SCN2A: variants seen among roughly 807,000 people sequenced by gnomAD.
SCN2A encodes the protein sodium voltage-gated channel alpha subunit 2.
Under a neutral mutation model 188.7 loss-of-function variants are expected in SCN2A, and 20 were observed. That is an observed-to-expected ratio of 0.11 (90% confidence interval 0.07 to 0.15). The LOEUF is 0.15. SCN2A is among the 10% of genes least tolerant of loss of function. The pLI, the probability that SCN2A is intolerant of heterozygous loss-of-function variation, is 1.00. For synonymous variants in SCN2A, 804 were observed against 833.1 expected (o/e 0.97, Z 0.60); for missense variants, 1,278 against 2,445.0 (o/e 0.52, Z 10.07).
At chr2:165,309,516 C>G in intron 6 of SCN2A, 73 bp downstream of exon 6, 2 of 1,565,926 alleles carry the variant, frequency 1.3e-6, no homozygotes, top group Non-Finnish European at 1.8e-6. Flanking sequence ...TGTGCAGAAG[C>G]CTTGTTGCTA....
At chr2:165,275,418 T>A (rs925757291) in intron 1 of SCN2A, among the ~76,000 whole-genome samples, 1 of 152,182 alleles carries the variant, frequency 6.6e-6, no homozygotes, top group Non-Finnish European at 1.5e-5. Flanking sequence ...CATGTCAGAA[T>A]CTATATTTGC....
In SCN2A at chr2:165,312,098, G is replaced by A. The variant is rs749778303; in HGVS notation, c.1034+10G>A. ...ACAGCTCAGATGCAGGGTAAGTGAT[G>A]CTTCCTACTGAGTTTCAGTCCACAC... On this transcript the variant is annotated intron_variant, in intron 8 of 26. Coordinates refer to ENST00000375437, the MANE Select transcript of SCN2A (RefSeq NM_001040142.2). The A allele has an allele frequency of 1.9e-6, 3 of 1,608,192 alleles. No individual in the cohort carries two copies. The highest frequency in any genetic ancestry group is 2.2e-5 in the East Asian group (1 of 44,798).
intron 17 of SCN2A, among the ~76,000 whole-genome samples, chr2:165,356,347 T>G (rs911462659): frequency 2.6e-5 from 4 of 152,214 alleles, no homozygotes; most frequent in African/African-American, 9.6e-5. Flanking sequence ...TCTTAAAATC[T>G]TATTAACAAA....
intron 1 of SCN2A, among the ~76,000 whole-genome samples, chr2:165,257,882 A>C (rs1255051456): frequency 2.0e-5 from 3 of 152,074 alleles, no homozygotes; most frequent in Admixed American, 6.5e-5. Context: ...AGTGATGTTG[A>C]GTTTTTTCTT....
rs980684679 is a variant in SCN2A, at chr2:165,367,517, C to G, written c.3675+146C>G. ...TGACGTGTTTAGCACATATGAGAGGCTTAGTAAATAGCAATTTTTGTCACT... is the reference window on the plus strand; with the variant it reads ...TGACGTGTTTAGCACATATGAGAGGGTTAGTAAATAGCAATTTTTGTCACT... On this transcript the variant is annotated intron_variant, in intron 19 of 26. Transcript: ENST00000375437. 4 of 964,328 alleles carry G rather than the reference C, an allele frequency of 4.1e-6. No homozygotes were observed. In the African/African-American group the frequency reaches 6.5e-5, roughly 16 times the overall value. The allele number at this position is 964,328 out of a possible 1,614,324, so 59.7% of individuals were successfully genotyped here. A position where few individuals can be genotyped will look rare whatever the true frequency, so the allele number is the denominator to read the frequency against.
At chr2:165,337,032 T>C (rs1699038998) in intron 14 of SCN2A, among the ~76,000 whole-genome samples, 1 of 151,784 alleles carries the variant, frequency 6.6e-6, no homozygotes, top group Non-Finnish European at 1.5e-5. Context: ...AAAAGGACTT[T>C]GGAGGCACTA....
chr2:165,291,954 G>A lies in SCN2A; in HGVS notation c.-51-3819G>A, dbSNP rs146068693. Among the ~76,000 whole-genome samples, 6 of 152,098 alleles carry A rather than the reference G, an allele frequency of 3.9e-5. No individual in the cohort carries two copies. In the East Asian group the frequency reaches 9.8e-4, roughly 25 times the overall value. On this transcript the variant is annotated intron_variant, in intron 1 of 26. Coordinates refer to ENST00000375437, the MANE Select transcript of SCN2A (RefSeq NM_001040142.2). ...GTCAGTGAGATGCAATGAGTTTTTC[G>A]GAGTCTTTCTTCCCACTGAATTGAG...
chr2:165,325,624 A>C lies in SCN2A; in HGVS notation c.2017-1228A>C, dbSNP rs149469547. On this transcript the variant is annotated intron_variant, in intron 12 of 26. Coordinates refer to ENST00000375437, the MANE Select transcript of SCN2A (RefSeq NM_001040142.2). ...GAAGGGACTAGATGATCTTCATGTG[A>C]CTATTTTTTTTTTCCTTAAAACTTT... is the stretch of plus-strand genomic sequence containing the variant. 6.5e-4 allele frequency among the ~76,000 whole-genome samples: 99 copies of C among 152,156 alleles called. 2 individuals are homozygous for C. In the East Asian group the frequency reaches 0.014, roughly 22 times the overall value.
At chr2:165,280,411 CT>C (rs1191135717) in intron 1 of SCN2A, among the ~76,000 whole-genome samples, 1 of 152,108 alleles carries the variant, frequency 6.6e-6, no homozygotes, top group Non-Finnish European at 1.5e-5. Flanking sequence ...ACCTTAGTCC[CT>C]TTTATTGTTA....
At chr2:165,306,516 GTGTGT>G (rs1559350282) in intron 3 of SCN2A, among the ~76,000 whole-genome samples, 8 of 33,452 alleles carry the variant, frequency 2.4e-4, no homozygotes, top group African/African-American at 7.1e-4. Context: ...GTGTGTGTGT[GTGTGT>G]GTGTGTGTGT....
At chr2:165,327,360 G>C (rs1698412809) in intron 13 of SCN2A, 1 of 202,790 alleles carries the variant, frequency 4.9e-6, no homozygotes, top group African/African-American at 2.4e-5. Context: ...AAAATCCTAT[G>C]ACTTAACCAG....
chr2:165,366,850 TCAGAATTCAAATATG>T (rs1196394115), intron 18 of SCN2A, among the ~76,000 whole-genome samples: 2 of 152,098 alleles, frequency 1.3e-5, no homozygotes, highest in African/African-American at 4.8e-5. Flanking sequence ...AGTGAACTAA[TCAGAATTCAAATATG>T]TAAAGTGTCC....
At chr2:165,336,692 A>G (rs1043499222) in intron 14 of SCN2A, among the ~76,000 whole-genome samples, 3 of 152,152 alleles carry the variant, frequency 2.0e-5, no homozygotes, top group Non-Finnish European at 2.9e-5. Context: ...TGAATATATT[A>G]CAAGCCACTG....
chr2:165,384,437 A>G (rs1356297300), intron 25 of SCN2A, among the ~76,000 whole-genome samples: 1 of 152,160 alleles, frequency 6.6e-6, no homozygotes, highest in Non-Finnish European at 1.5e-5. Flanking sequence ...AAATGGGAGA[A>G]CAGAACACAG....
chr2:165,253,321 CTT>C (rs1361497722), intron 1 of SCN2A, among the ~76,000 whole-genome samples: 2 of 152,056 alleles, frequency 1.3e-5, no homozygotes, highest in Admixed American at 1.3e-4. Flanking sequence ...CATGCATAGA[CTT>C]TGACAGTTCT....
At chr2:165,382,848 TA>T (rs1323301469) in intron 25 of SCN2A, among the ~76,000 whole-genome samples, 1 of 152,020 alleles carries the variant, frequency 6.6e-6, no homozygotes, top group Non-Finnish European at 1.5e-5. Context: ...TTTTGAAAAA[TA>T]ATTAGAATAG....
At chr2:165,339,752 T>C (rs1482508756) in intron 14 of SCN2A, among the ~76,000 whole-genome samples, 3 of 152,192 alleles carry the variant, frequency 2.0e-5, no homozygotes, top group Non-Finnish European at 4.4e-5. Flanking sequence ...TATCTATCAA[T>C]TCAACCCAAT....
rs1168729473 is a variant in SCN2A, at chr2:165,374,945, A to G, written c.4233A>G (p.Gly1411=). The G allele has an allele frequency of 3.1e-6, 5 of 1,613,150 alleles. No homozygotes were observed. The highest frequency in any genetic ancestry group is 1.7e-5 in the Admixed American group (1 of 59,860). The change falls in exon 22 of 27, where the codon GGA becomes GGG. Residue 1411 remains glycine, a synonymous_variant. Transcript: ENST00000375437. The part of the protein sequence containing the change: ...VKVNFDNVGL[G]YLSLLQVATF... ...TAAACTTTGATAACGTAGGACTTGGATATCTGTCTCTACTTCAAGTAGTAA... is the reference window on the plus strand; with the variant it reads ...TAAACTTTGATAACGTAGGACTTGGGTATCTGTCTCTACTTCAAGTAGTAA...
In SCN2A at chr2:165,257,757, C is replaced by G. The variant is rs566548172; in HGVS notation, c.-52+18117C>G. Among the ~76,000 whole-genome samples, 14 of 152,160 alleles carry G rather than the reference C, an allele frequency of 9.2e-5. No homozygotes were observed. In the East Asian group the frequency reaches 2.5e-3, roughly 27 times the overall value. On this transcript the variant is annotated intron_variant, in intron 1 of 26. Coordinates refer to ENST00000375437, the MANE Select transcript of SCN2A (RefSeq NM_001040142.2). ...TTCACCATGCTGGCCAGGGTGGTCTCGAACTCCTGGCTTCAAGTGATCCAC... is the reference window on the plus strand; with the variant it reads ...TTCACCATGCTGGCCAGGGTGGTCTGGAACTCCTGGCTTCAAGTGATCCAC...
Sources: allele counts gnomAD v4.1 joint callset (sites outside exome capture counted in the v4.1 genomes callset), GRCh38; gene constraint gnomAD v4.1.1; transcripts MANE v1.5; gene names NCBI Gene and HGNC (gene_info 2026-07-23, HGNC 2026-07-21).